The following PTCHD4 variants were observed in gnomAD, a reference collection of about 807,000 sequenced individuals.
PTCHD4 encodes patched domain-containing protein 4.
Under a neutral mutation model 58.1 loss-of-function variants are expected in PTCHD4, and 33 were observed. That is an observed-to-expected ratio of 0.57 (90% CI 0.43 to 0.76). The LOEUF (loss-of-function observed/expected upper bound fraction) is 0.76, where lower values mean the gene tolerates loss of function less well. Ranked by LOEUF, PTCHD4 falls within the 30% of genes least tolerant of loss-of-function variation. The pLI is 0.00. For missense variants in PTCHD4, 1,058 were observed against 1,027.1 expected (o/e 1.03, Z -0.41); for synonymous variants, 478 against 409.6 (o/e 1.17, Z -2.02).
chr6:48,041,717 T>C (rs535633503), intron 3 of PTCHD4, among the ~76,000 whole-genome samples: 1 of 151,978 alleles, frequency 6.6e-6, no homozygotes, highest in Non-Finnish European at 1.5e-5. Context: ...GGGTCATGCA[T>C]TTTTTTGTTT....
intron 4 of PTCHD4, among the ~76,000 whole-genome samples, chr6:47,910,468 CT>C (rs1482198256): frequency 6.6e-6 from 1 of 152,052 alleles, no homozygotes; most frequent in Non-Finnish European, 1.5e-5. Flanking sequence ...CTGTCTTCCC[CT>C]AATAATGGAA....
Position 47,874,487 on chromosome 6 carries a change from A to T in PTCHD4, c.*3816T>A, listed in dbSNP as rs1763795464. On this transcript the variant is annotated 3_prime_UTR_variant, in exon 5 of 5. Transcript: ENST00000339488. The stretch of plus-strand genomic sequence containing the variant: ...ATGATATTTACAGTCAACTTATAAA[A>T]ATACATGTAATTCTGAATGGCAATA... Among the ~76,000 whole-genome samples the T allele has an allele frequency of 6.6e-6, 1 of 151,796 alleles. No individual in the cohort carries two copies. Among genetic ancestry groups the T allele is most frequent in the Non-Finnish European group, 1.5e-5 (1 of 67,818 alleles).
chr6:47,901,890 C>T, intron 4 of PTCHD4: 8 of 1,303,690 alleles, frequency 6.1e-6, no homozygotes, highest in Non-Finnish European at 8.1e-6. Flanking sequence ...TTTCTTTCTT[C>T]CAAACTAAAT....
At chr6:47,999,815 T>A (rs1045087904) in intron 4 of PTCHD4, among the ~76,000 whole-genome samples, 5 of 152,172 alleles carry the variant, frequency 3.3e-5, no homozygotes, top group Admixed American at 2.6e-4. Flanking sequence ...CCTAAAACAA[T>A]TATCTGACCC....
chr6:48,044,641 C>T (rs942100193), intron 3 of PTCHD4, among the ~76,000 whole-genome samples: 5 of 151,822 alleles, frequency 3.3e-5, no homozygotes, highest in Admixed American at 6.6e-5. Flanking sequence ...CACAGCCATG[C>T]TCATTTGCTT....
intron 4 of PTCHD4, among the ~76,000 whole-genome samples, chr6:47,912,234 G>A (rs1193482825): frequency 4.6e-5 from 7 of 152,074 alleles, no homozygotes; most frequent in Non-Finnish European, 4.4e-5. Context: ...CTAGACAATA[G>A]ACACCTTCTT....
In PTCHD4 at chr6:48,068,373, C is replaced by T. The variant is rs769652462; in HGVS notation, c.274G>A (p.Asp92Asn). 5.6e-6 allele frequency: 9 copies of T among 1,613,902 alleles called. No individual in the cohort carries two copies. Among genetic ancestry groups the T allele is most frequent in the Non-Finnish European group, 7.6e-6 (9 of 1,179,872 alleles). Residue 92 changes from aspartate (D) to asparagine (N), a missense_variant, in exon 3 of 5, where the codon GAC (aspartate) becomes AAC (asparagine). Asp to Asn is a conservative substitution (Grantham distance 23). Coordinates refer to ENST00000339488, the MANE Select transcript of PTCHD4 (RefSeq NM_001384253.1). This position sits in a 1 kb window ranked among gnomAD's most constrained non-coding sequence, Gnocchi z 4.2. The stretch of plus-strand genomic sequence containing the variant: ...GAATAGAGCTGGCTTTTGGACTGGT[C>T]CAGGGGGAAAAGGCTGCTGGCCAGG... ...RSLASSLFPL[D>N]QSKSQLYSDL...
At chr6:47,938,464 A>G (rs1354076620) in intron 4 of PTCHD4, among the ~76,000 whole-genome samples, 2 of 152,188 alleles carry the variant, frequency 1.3e-5, no homozygotes, top group African/African-American at 2.4e-5. Context: ...TACAGATGCT[A>G]AAAGGTAGAT....
chr6:47,980,915 A>T (rs947453890), intron 4 of PTCHD4, among the ~76,000 whole-genome samples: 3 of 151,988 alleles, frequency 2.0e-5, no homozygotes, highest in African/African-American at 7.2e-5. Context: ...CTCAGAATTG[A>T]AGACTTTGTT....
At chr6:47,959,980 G>A (rs1032015374) in intron 4 of PTCHD4, among the ~76,000 whole-genome samples, 1 of 151,824 alleles carries the variant, frequency 6.6e-6, no homozygotes, top group African/African-American at 2.4e-5. Flanking sequence ...TAAGAAGATA[G>A]TTGACTTTAA....
At chr6:47,955,948 T>C (rs186012758) in intron 4 of PTCHD4, among the ~76,000 whole-genome samples, 16 of 152,368 alleles carry the variant, frequency 1.1e-4, no homozygotes, top group African/African-American at 3.8e-4. Flanking sequence ...ACTTTTATTA[T>C]GATTTATTTT....
At chr6:47,937,101 C>T (rs1158781516) in intron 4 of PTCHD4, among the ~76,000 whole-genome samples, 1 of 152,178 alleles carries the variant, frequency 6.6e-6, no homozygotes, top group Non-Finnish European at 1.5e-5. Context: ...GATCATGTAA[C>T]CCCTTGCAGG....
intron 1 of PTCHD4, among the ~76,000 whole-genome samples, chr6:48,098,778 G>A (rs1021658397): frequency 6.6e-6 from 1 of 152,168 alleles, no homozygotes; most frequent in African/African-American, 2.4e-5. Context: ...CTCCAGAGAT[G>A]TCCCCATCCT....
At chr6:47,886,619 A>G (rs1370160039) in intron 4 of PTCHD4, among the ~76,000 whole-genome samples, 3 of 152,212 alleles carry the variant, frequency 2.0e-5, no homozygotes, top group Admixed American at 1.3e-4. Context: ...TGACATCCCA[A>G]TGCCAACTAA....
intron 4 of PTCHD4, among the ~76,000 whole-genome samples, chr6:47,912,447 TG>T (rs1292228818): frequency 2.0e-5 from 3 of 152,150 alleles, no homozygotes; most frequent in Non-Finnish European, 4.4e-5. Context: ...ACAAGACTTT[TG>T]GTATCCTTGA....
chr6:48,063,244 T>A lies in PTCHD4; in HGVS notation c.417+4986A>T, dbSNP rs1040541615. On this transcript the variant is annotated intron_variant, in intron 3 of 4. Coordinates refer to ENST00000339488, the MANE Select transcript of PTCHD4 (RefSeq NM_001384253.1). ...GAAAATGATATTAAAGATGAAATCC[T>A]GTGCCAGTGAAGAATTTGCTAAACT... Among the ~76,000 whole-genome samples the A allele has an allele frequency of 2.6e-5, 4 of 152,164 alleles. No individual in the cohort carries two copies. In the East Asian group the frequency reaches 7.7e-4, roughly 29 times the overall value.
chr6:48,027,500 T>A (rs888578289), intron 3 of PTCHD4, among the ~76,000 whole-genome samples: 1 of 152,166 alleles, frequency 6.6e-6, no homozygotes, highest in South Asian at 2.1e-4. Context: ...AAAGTTATAA[T>A]ATGTCTACCT....
At chr6:47,933,136 G>A (rs1276850013) in intron 4 of PTCHD4, among the ~76,000 whole-genome samples, 6 of 152,182 alleles carry the variant, frequency 3.9e-5, no homozygotes. Context: ...CTGATTAGAG[G>A]AGGAACCATA....
At chr6:48,017,025 T>G (rs1762892124) in intron 3 of PTCHD4, among the ~76,000 whole-genome samples, 1 of 152,220 alleles carries the variant, frequency 6.6e-6, no homozygotes, top group African/African-American at 2.4e-5. Flanking sequence ...TGGAAAGTTT[T>G]AGATGGTTAG....
Sources: gnomAD v4.1 joint callset for allele counts (sites outside exome capture counted in the v4.1 genomes callset) on GRCh38, gnomAD v4.1.1 for gene constraint, Gnocchi (gnomAD v3.1) non-coding constraint, MANE v1.5 for transcripts, NCBI Gene and HGNC (gene_info 2026-07-23, HGNC 2026-07-21) for gene names.